Variants in CPXM2 observed in about 807,000 individuals in gnomAD.
CPXM2 encodes the protein carboxypeptidase X, M14 family member 2, also known as inactive carboxypeptidase-like protein X2.
CPXM2 carries 66 observed loss-of-function variants against 86.1 expected under a neutral mutation model. That is an observed-to-expected ratio of 0.77 (90% CI 0.63 to 0.94). The LOEUF is 0.94. Among genes scored for constraint, CPXM2 ranks in the 40% least tolerant of loss-of-function variants. The probability of loss-of-function intolerance (pLI) is 0.00; values close to 1 mark genes in which losing one functional copy is unlikely to be tolerated. For missense variants in CPXM2, 948 were observed against 1,026.3 expected (o/e 0.92, Z 1.04); for synonymous variants, 388 against 400.2 (o/e 0.97, Z 0.36).
chr10:123,901,426 A>AATTTGT lies in CPXM2; in HGVS notation n.175-21118_175-21117insACAAAT, dbSNP rs1554891061. 6.9e-5 allele frequency among the ~76,000 whole-genome samples: 4 copies of AATTTGT among 58,128 alleles called. No homozygotes were observed. The South Asian group carries it at 2.4e-3, about 34-fold the overall frequency. 38.1% of individuals were successfully genotyped at this position (58,128 alleles called of 152,430 possible). A position where few individuals can be genotyped will look rare whatever the true frequency, so the allele number is the denominator to read the frequency against. On this transcript the variant is annotated intron_variant and non_coding_transcript_variant, in intron 2 of 19. Coordinates refer to the CPXM2 transcript ENST00000368854. ...ACCTTGTTTTCCTTCCATCCAAGCA[A>AATTTGT]GTTTGTGTGTGTGTGTGTGTGTGTG...
At chr10:123,750,057 A>G (rs1005898723) in intron 13 of CPXM2, 3 of 938,500 alleles carry the variant, frequency 3.2e-6, no homozygotes, top group Non-Finnish European at 3.8e-6. Context: ...TGACCTCATG[A>G]TCTGCCTGCC....
At chr10:123,776,734 A>C (rs1342052282) in intron 7 of CPXM2, 1 of 152,212 alleles carries the variant, frequency 6.6e-6, no homozygotes, top group Non-Finnish European at 1.5e-5. Flanking sequence ...TCCTCTCATC[A>C]AAACCGTAGG....
At chr10:123,766,060 T>C (rs1846465021) in intron 10 of CPXM2, among the ~76,000 whole-genome samples, 2 of 152,216 alleles carry the variant, frequency 1.3e-5, no homozygotes, top group Non-Finnish European at 2.9e-5. Flanking sequence ...TAGAACCGCT[T>C]ATAGGAAATT....
intron 2 of CPXM2, among the ~76,000 whole-genome samples, chr10:123,922,378 A>AT (rs907793920): frequency 1.3e-5 from 2 of 152,158 alleles, no homozygotes; most frequent in African/African-American, 4.8e-5. Context: ...ATAAAGTTCA[A>AT]TTTTTTTAAT....
At chr10:123,796,364 G>A (rs1437256386) in intron 6 of CPXM2, among the ~76,000 whole-genome samples, 6 of 152,312 alleles carry the variant, frequency 3.9e-5, no homozygotes, top group Non-Finnish European at 7.4e-5. Flanking sequence ...ACTTCCAACC[G>A]TCTGAGGCAG....
At chr10:123,819,861 T>C (rs1424824068) in intron 4 of CPXM2, among the ~76,000 whole-genome samples, 2 of 152,200 alleles carry the variant, frequency 1.3e-5, no homozygotes, top group African/African-American at 2.4e-5. Flanking sequence ...ATCCTGGGCA[T>C]GTCTGTGAGG....
chr10:123,871,357 A>G (rs1448460558), intron 2 of CPXM2, among the ~76,000 whole-genome samples: 1 of 152,246 alleles, frequency 6.6e-6, no homozygotes, highest in Non-Finnish European at 1.5e-5. Flanking sequence ...AATCTGCATT[A>G]TGATCCAGTA....
chr10:123,757,433 A>ATG, intron 11 of CPXM2, 81 bp from the exon 12 acceptor site: 3 of 1,219,344 alleles, frequency 2.5e-6, no homozygotes, highest in Non-Finnish European at 3.6e-6. Context: ...GGCAGCAAGG[A>ATG]TGTTTAAGAA....
intron 4 of CPXM2, among the ~76,000 whole-genome samples, chr10:123,830,621 C>A (rs1848143857): frequency 6.6e-6 from 1 of 152,156 alleles, no homozygotes; most frequent in African/African-American, 2.4e-5. Context: ...AGGAAGCTGG[C>A]CGCCTCCTCT....
intron 11 of CPXM2, among the ~76,000 whole-genome samples, chr10:123,758,803 TCTAGGGTCAGGGTCA>T: frequency 6.6e-6 from 1 of 152,272 alleles, no homozygotes; most frequent in Admixed American, 6.5e-5. Flanking sequence ...CTCCCTGGGC[TCTAGGGTCAGGGTCA>T]CAGAAAGCAG....
At chr10:123,930,776 A>G (rs1945661159) in intron 2 of CPXM2, among the ~76,000 whole-genome samples, 1 of 152,244 alleles carries the variant, frequency 6.6e-6, no homozygotes, top group Admixed American at 6.5e-5. Context: ...AATGCTCCAA[A>G]GCCAGGTCAT....
intron 6 of CPXM2, among the ~76,000 whole-genome samples, chr10:123,782,265 A>C (rs1201969475): frequency 2.0e-5 from 3 of 152,184 alleles, no homozygotes; most frequent in Non-Finnish European, 4.4e-5. Flanking sequence ...ATTTACACCT[A>C]ACTTACTCGC....
chr10:123,849,447 T>A (rs1050150700), intron 3 of CPXM2, among the ~76,000 whole-genome samples: 5 of 150,128 alleles, frequency 3.3e-5, no homozygotes, highest in Non-Finnish European at 7.4e-5. Context: ...CTTTTTTTTT[T>A]TTTTTTTTTT....
chr10:123,780,242 A>T lies in CPXM2; in HGVS notation c.903T>A (p.Tyr301Ter), dbSNP rs752370453. 1.0e-5 allele frequency: 16 copies of T among 1,603,386 alleles called. No individual in the cohort carries two copies. In the East Asian group the frequency reaches 3.3e-4, roughly 34 times the overall value. ...TGGTCATCTCGTTCCGGCGGTGATA[A>T]TAATTATTAGGATCTAGGGACAGAA... ...LGCPLPDPNNYYHRRNEMTTT... is the reference protein window; with the variant it reads ...LGCPLPDPNN Residue 301 changes from tyrosine (Y) to a stop codon, truncating the protein, a stop_gained, in exon 7 of 14, where the codon TAT becomes TAA. Coordinates refer to ENST00000241305, the MANE Select transcript of CPXM2 (RefSeq NM_198148.3). LOFTEE classifies it high-confidence loss of function.
chr10:123,882,028 CA>C (rs1945101101), intron 1 of CPXM2, among the ~76,000 whole-genome samples: 1 of 152,140 alleles, frequency 6.6e-6, no homozygotes, highest in African/African-American at 2.4e-5. Flanking sequence ...GTTGAAATAC[CA>C]AAATTAGCTG....
Position 123,862,111 on chromosome 10 carries a change from G to C in CPXM2, c.513+503C>G, listed in dbSNP as rs1319822413. 2.0e-5 allele frequency among the ~76,000 whole-genome samples: 3 copies of C among 152,200 alleles called. No individual in the cohort carries two copies. In the South Asian group the frequency reaches 6.2e-4, roughly 31 times the overall value. On this transcript the variant is annotated intron_variant, in intron 3 of 13. Transcript: ENST00000241305. ...CAGAAAGGCCCTTGAGCCTCCAGGA[G>C]GGAGACCAGCCAGGATGTGCATGGT...
upstream of CPXM2, among the ~76,000 whole-genome samples, chr10:123,942,344 C>T (rs974642804): frequency 2.6e-5 from 4 of 152,006 alleles, no homozygotes; most frequent in East Asian, 1.9e-4. Context: ...TCTTAACCTA[C>T]GATGTCACAG....
chr10:123,914,766 G>A (rs1436696184), intron 2 of CPXM2, among the ~76,000 whole-genome samples: 1 of 152,050 alleles, frequency 6.6e-6, no homozygotes, highest in Non-Finnish European at 1.5e-5. Flanking sequence ...CCCTCATTCA[G>A]GCCAGCACTA....
chr10:123,814,877 T>C (rs1590029772), intron 4 of CPXM2, among the ~76,000 whole-genome samples: 2 of 152,086 alleles, frequency 1.3e-5, no homozygotes, highest in African/African-American at 4.8e-5. Flanking sequence ...ATACAAAAAT[T>C]AGCTGGGTGT....
Sources: allele counts gnomAD v4.1 joint callset (sites outside exome capture counted in the v4.1 genomes callset), GRCh38; gene constraint gnomAD v4.1.1; transcripts MANE v1.5; gene names NCBI Gene and HGNC (gene_info 2026-07-23, HGNC 2026-07-21).